The following UBE2W variants were observed in gnomAD, a reference collection of about 807,000 sequenced individuals.
UBE2W encodes the protein ubiquitin-conjugating enzyme E2 W.
Under a neutral mutation model 27.2 loss-of-function variants are expected in UBE2W, and 18 were observed. That is an observed-to-expected ratio of 0.66 (90% CI 0.46 to 0.98). UBE2W has a LOEUF of 0.98. UBE2W is among the 50% of genes least tolerant of loss of function. The pLI is 0.00. For missense variants in UBE2W, 90 were observed against 180.2 expected (o/e 0.50, Z 2.87); for synonymous variants, 53 against 57.2 (o/e 0.93, Z 0.33).
chr8:73,861,615 C>T (rs71527232), intron 1 of UBE2W, among the ~76,000 whole-genome samples: 15,214 of 152,118 alleles, frequency 0.1, 818 homozygotes, highest in Middle Eastern at 0.17. Flanking sequence ...ACCCAGATTA[C>T]GTTTTAAATG....
intron 1 of UBE2W, among the ~76,000 whole-genome samples, chr8:73,867,706 T>C (rs1002413787): frequency 3.3e-5 from 4 of 119,902 alleles, no homozygotes; most frequent in Admixed American, 9.5e-5. Flanking sequence ...AGTGAGGCTC[T>C]GTCTCAGAAA....
intron 1 of UBE2W, among the ~76,000 whole-genome samples, chr8:73,875,393 T>C (rs1023185417): frequency 7.9e-5 from 12 of 152,138 alleles, no homozygotes; most frequent in African/African-American, 2.7e-4. Context: ...TAAAAGATGG[T>C]TGAGACGCAC....
At chr8:73,831,097 A>T in intron 1 of UBE2W, 1 of 300,954 alleles carries the variant, frequency 3.3e-6, no homozygotes, top group Non-Finnish European at 6.3e-6. Context: ...TATGCATTAT[A>T]ATATTCTTTC....
At chr8:73,814,246 A>T (rs76519513) in intron 3 of UBE2W, among the ~76,000 whole-genome samples, 8,048 of 152,190 alleles carry the variant, frequency 0.053, 688 homozygotes, top group African/African-American at 0.18. Flanking sequence ...GTTCAAAAAA[A>T]TTTTTTTGGA....
intron 1 of UBE2W, among the ~76,000 whole-genome samples, chr8:73,857,602 G>T (rs1317501969): frequency 6.6e-6 from 1 of 152,086 alleles, no homozygotes; most frequent in African/African-American, 2.4e-5. Context: ...CAGATCACAA[G>T]GTCAGGAGTT....
rs186075926 is a variant in UBE2W at position 73,844,571 on chromosome 8, C to T, written c.16-14099G>A. Among the ~76,000 whole-genome samples the T allele has an allele frequency of 4.7e-4, 71 of 152,258 alleles. 1 individual carries two copies. The highest frequency in any genetic ancestry group is 1.4e-3 in the African/African-American group (59 of 41,562). On this transcript the variant is annotated intron_variant, in intron 1 of 5. Coordinates refer to ENST00000602593, the MANE Select transcript of UBE2W (RefSeq NM_018299.6). ...TGCAGCCTCTGCCCGGCCGCCACCC[C>T]GTCTAGGAAGTGAGGAGCGTCTCTG...
intron 1 of UBE2W, among the ~76,000 whole-genome samples, chr8:73,873,576 A>G (rs369410890): frequency 1.3e-5 from 2 of 152,278 alleles, no homozygotes; most frequent in East Asian, 3.9e-4. Context: ...GGATCACCCG[A>G]GCCTGGGAGG....
intron 3 of UBE2W, among the ~76,000 whole-genome samples, chr8:73,823,792 A>G (rs1489255642): frequency 6.6e-6 from 1 of 152,230 alleles, no homozygotes; most frequent in East Asian, 1.9e-4. Context: ...TTAAGGAGTC[A>G]GTATCCATTT....
chr8:73,810,680 A>C, intron 3 of UBE2W, 51 bp from the exon 4 acceptor site: 1 of 1,403,288 alleles, frequency 7.1e-7, no homozygotes, highest in Non-Finnish European at 9.5e-7. Context: ...TACTACCAAA[A>C]ACTAAAATAT....
intron 1 of UBE2W, among the ~76,000 whole-genome samples, chr8:73,848,770 G>A (rs1466090496): frequency 6.6e-6 from 1 of 152,146 alleles, no homozygotes; most frequent in Non-Finnish European, 1.5e-5. Context: ...CGGACATAAG[G>A]GAGGCTTCCA....
At chr8:73,865,776 A>G (rs1811727442) in intron 1 of UBE2W, among the ~76,000 whole-genome samples, 1 of 152,186 alleles carries the variant, frequency 6.6e-6, no homozygotes, top group Non-Finnish European at 1.5e-5. Context: ...CATGTAGTAC[A>G]AAAGACTATT....
intron 3 of UBE2W, among the ~76,000 whole-genome samples, chr8:73,811,552 C>A (rs982324925): frequency 2.1e-5 from 3 of 145,824 alleles, no homozygotes; most frequent in Non-Finnish European, 2.9e-5. Flanking sequence ...TAATTCCTGA[C>A]CTCGCCAAAA....
At chr8:73,858,979 C>CGTGTGTGTGTGTGTGT (rs59095956) in intron 1 of UBE2W, among the ~76,000 whole-genome samples, 3 of 125,924 alleles carry the variant, frequency 2.4e-5, no homozygotes, top group Non-Finnish European at 3.4e-5. Flanking sequence ...GGGGTTTTTG[C>CGTGTGTGTGTGTGTGT]GTGTGTGTGT....
chr8:73,842,734 GA>G (rs1563611097), intron 1 of UBE2W, among the ~76,000 whole-genome samples: 1 of 152,020 alleles, frequency 6.6e-6, no homozygotes, highest in Non-Finnish European at 1.5e-5. Flanking sequence ...TTTGTACTTG[GA>G]AATGGCAGTG....
intron 1 of UBE2W, among the ~76,000 whole-genome samples, chr8:73,849,815 G>A (rs1392504359): frequency 6.6e-6 from 1 of 151,968 alleles, no homozygotes; most frequent in Admixed American, 6.6e-5. Flanking sequence ...GAATGGTTCA[G>A]AGTCAAAGGA....
intron 1 of UBE2W, among the ~76,000 whole-genome samples, chr8:73,859,010 G>A (rs1695872876): frequency 6.6e-6 from 1 of 150,926 alleles, no homozygotes; most frequent in African/African-American, 2.4e-5. Context: ...GTGTGTGTGT[G>A]TGTGTGTGGT....
At chr8:73,814,939 G>A (rs1034084169) in intron 3 of UBE2W, among the ~76,000 whole-genome samples, 1 of 152,206 alleles carries the variant, frequency 6.6e-6, no homozygotes, top group Non-Finnish European at 1.5e-5. Context: ...TCATTTTGGA[G>A]ATAAGTATGT....
chr8:73,786,302 C>T lies in UBE2W; in HGVS notation c.*7800G>A, dbSNP rs1807952197. On this transcript the variant is annotated 3_prime_UTR_variant, in exon 6 of 6. Coordinates refer to ENST00000602593, the MANE Select transcript of UBE2W (RefSeq NM_018299.6). The stretch of plus-strand genomic sequence containing the variant: ...GAGCAGGGTCCTGTTATACATTTTA[C>T]TCAGGTGGTGGTTCTGGATATATGT... 1.0e-6 allele frequency: 1 copy of T among 985,284 alleles called. No homozygotes were observed. The allele number at this position is 985,284 out of a possible 1,614,324, so 61.0% of individuals were successfully genotyped here.
chr8:73,808,770 T>A (rs1162517208), intron 4 of UBE2W, among the ~76,000 whole-genome samples: 4 of 152,216 alleles, frequency 2.6e-5, no homozygotes, highest in African/African-American at 9.6e-5. Flanking sequence ...CATAGTTTAT[T>A]AGTGCTTTAA....
Sources: allele counts gnomAD v4.1 joint callset (sites outside exome capture counted in the v4.1 genomes callset), GRCh38; gene constraint gnomAD v4.1.1; transcripts MANE v1.5; gene names NCBI Gene and HGNC (gene_info 2026-07-23, HGNC 2026-07-21).